The following ANXA4 variants were observed in gnomAD, a reference collection of about 807,000 sequenced individuals.
ANXA4 encodes 35-beta calcimedin.
Under a neutral mutation model 49.8 loss-of-function variants are expected in ANXA4, and 39 were observed. The ratio of observed to expected loss-of-function variants is 0.78; its 90% CI spans 0.61 to 1.02. The LOEUF is 1.02. ANXA4 is among the 50% of genes least tolerant of loss of function. The pLI, the probability that ANXA4 is intolerant of heterozygous loss-of-function variation, is 0.00. For missense variants in ANXA4, 360 were observed against 410.1 expected (o/e 0.88, Z 1.05); for synonymous variants, 134 against 152.5 (o/e 0.88, Z 0.89).
intron 12 of ANXA4, among the ~76,000 whole-genome samples, chr2:69,823,651 T>C (rs1674340899): frequency 6.6e-6 from 1 of 152,138 alleles, no homozygotes; most frequent in African/African-American, 2.4e-5. Flanking sequence ...AAGGCAACAA[T>C]TCACAGCAAA....
intron 3 of ANXA4, among the ~76,000 whole-genome samples, chr2:69,799,191 T>C (rs1558511581): frequency 6.6e-6 from 1 of 152,190 alleles, no homozygotes; most frequent in Non-Finnish European, 1.5e-5. Context: ...AGTCTGTGTT[T>C]CTTTGTCTTG....
chr2:69,676,670 G>T (rs1269029205), intron 2 of ANXA4, among the ~76,000 whole-genome samples: 1 of 152,138 alleles, frequency 6.6e-6, no homozygotes. Flanking sequence ...CAAGGCTGGC[G>T]GATCATGAGG....
At chr2:69,752,831 ATTAC>A in intron 1 of ANXA4, among the ~76,000 whole-genome samples, 1 of 152,328 alleles carries the variant, frequency 6.6e-6, no homozygotes, top group African/African-American at 2.4e-5. Context: ...AGTTTTGAAA[ATTAC>A]TTCTGTAGCT....
At chr2:69,729,310 C>T (rs1464271074) in intron 3 of ANXA4, among the ~76,000 whole-genome samples, 5 of 152,218 alleles carry the variant, frequency 3.3e-5, no homozygotes, top group Admixed American at 2.6e-4. Flanking sequence ...CCACCATGCA[C>T]GGCCCTCAAT....
chr2:69,682,519 A>G (rs1677636490), intron 2 of ANXA4, among the ~76,000 whole-genome samples: 1 of 152,214 alleles, frequency 6.6e-6, no homozygotes, highest in South Asian at 2.1e-4. Flanking sequence ...AATAGGGACA[A>G]CTAAAACAGA....
At chr2:69,721,787 T>C (rs1479933238) in intron 3 of ANXA4, among the ~76,000 whole-genome samples, 7 of 152,164 alleles carry the variant, frequency 4.6e-5, no homozygotes, top group African/African-American at 1.7e-4. Context: ...TCCCCCAGTC[T>C]CCTCTGGCTC....
intron 1 of ANXA4, among the ~76,000 whole-genome samples, chr2:69,747,922 C>T (rs543414769): frequency 2.0e-5 from 3 of 152,168 alleles, no homozygotes. Flanking sequence ...CTGGGTGATC[C>T]TCCTGCCTTG....
At chr2:69,770,059 T>C (rs1671649127) in intron 1 of ANXA4, among the ~76,000 whole-genome samples, 1 of 152,158 alleles carries the variant, frequency 6.6e-6, no homozygotes, top group South Asian at 2.1e-4. Flanking sequence ...CAAAAGACCG[T>C]CCGTAAGTTA....
intron 2 of ANXA4, among the ~76,000 whole-genome samples, chr2:69,718,007 A>G (rs1227182188): frequency 6.6e-6 from 1 of 152,174 alleles, no homozygotes; most frequent in Admixed American, 6.5e-5. Flanking sequence ...CTGTATGTCT[A>G]GCTAGGTCAG....
chr2:69,644,516 G>A (rs1402534219), exon 1 of ANXA4: 1 of 152,212 alleles, frequency 6.6e-6, no homozygotes, highest in Non-Finnish European at 1.5e-5. Flanking sequence ...TCAGCTCTGA[G>A]CTAGGCGCTG....
intron 2 of ANXA4, among the ~76,000 whole-genome samples, chr2:69,685,297 T>C (rs899000446): frequency 6.6e-6 from 1 of 152,188 alleles, no homozygotes; most frequent in Non-Finnish European, 1.5e-5. Context: ...GCCCAGTACC[T>C]CAGGGAATGC....
chr2:69,736,281 G>A (rs1485927496), intron 3 of ANXA4, among the ~76,000 whole-genome samples: 1 of 152,132 alleles, frequency 6.6e-6, no homozygotes, highest in African/African-American at 2.4e-5. Context: ...CTGCAATTCT[G>A]AAAAATACAA....
At chr2:69,759,397 A>C (rs942023839) in intron 1 of ANXA4, among the ~76,000 whole-genome samples, 1 of 152,242 alleles carries the variant, frequency 6.6e-6, no homozygotes, top group African/African-American at 2.4e-5. Context: ...TGTCCTTTAC[A>C]GTGTTTAAAG....
At chr2:69,729,451 C>T (rs1012526181) in intron 3 of ANXA4, among the ~76,000 whole-genome samples, 5 of 152,192 alleles carry the variant, frequency 3.3e-5, no homozygotes, top group African/African-American at 1.2e-4. Flanking sequence ...CAGTGGTTCT[C>T]AATGGGAAGC....
At chr2:69,672,572 A>T (rs1473476622) in intron 2 of ANXA4, among the ~76,000 whole-genome samples, 1 of 152,178 alleles carries the variant, frequency 6.6e-6, no homozygotes, top group Non-Finnish European at 1.5e-5. Flanking sequence ...TAATAAATAC[A>T]TTATAGTATA....
chr2:69,684,884 G>A (rs1677732483), intron 2 of ANXA4, among the ~76,000 whole-genome samples: 3 of 152,118 alleles, frequency 2.0e-5, no homozygotes, highest in South Asian at 2.1e-4. Context: ...TTTGGTAAGC[G>A]AAGATAGAAG....
chr2:69,679,227 C>A (rs945374848), intron 2 of ANXA4, among the ~76,000 whole-genome samples: 1 of 152,154 alleles, frequency 6.6e-6, no homozygotes, highest in Non-Finnish European at 1.5e-5. Flanking sequence ...GCCTCAACCT[C>A]CTGGGCTCAA....
chr2:69,695,304 G>A (rs187780488), intron 2 of ANXA4, among the ~76,000 whole-genome samples: 11 of 152,222 alleles, frequency 7.2e-5, no homozygotes, highest in East Asian at 5.8e-4. Flanking sequence ...CATTGCAGAC[G>A]AGTATAACCT....
intron 3 of ANXA4, among the ~76,000 whole-genome samples, chr2:69,728,805 T>C (rs1414820661): frequency 7.1e-6 from 1 of 140,916 alleles, no homozygotes. Context: ...CTGGCATTGA[T>C]CTTTTTCTTC....
Sources: allele counts gnomAD v4.1 joint callset (sites outside exome capture counted in the v4.1 genomes callset), GRCh38; gene constraint gnomAD v4.1.1; transcripts MANE v1.5; gene names NCBI Gene and HGNC (gene_info 2026-07-23, HGNC 2026-07-21).